XKR4: variants seen among roughly 807,000 people sequenced by gnomAD.
The protein encoded by XKR4 is XK related 4.
A neutral mutation model predicts 53.9 loss-of-function variants in XKR4; 12 were observed. The ratio of observed to expected loss-of-function variants is 0.22; its 90% CI spans 0.14 to 0.36. XKR4 has a LOEUF of 0.36. XKR4 is among the 10% of genes least tolerant of loss of function. The pLI is 1.00. For synonymous variants in XKR4, 354 were observed against 362.4 expected (o/e 0.98, Z 0.26); for missense variants, 799 against 859.5 (o/e 0.93, Z 0.88).
intron 1 of XKR4, among the ~76,000 whole-genome samples, chr8:55,334,125 A>C (rs1312487946): frequency 6.6e-6 from 1 of 152,198 alleles, no homozygotes; most frequent in African/African-American, 2.4e-5. Flanking sequence ...TAATTAAACA[A>C]ACCTAAGTTA....
chr8:55,480,879 C>T (rs1050948545), intron 2 of XKR4, among the ~76,000 whole-genome samples: 2 of 152,008 alleles, frequency 1.3e-5, no homozygotes, highest in Non-Finnish European at 2.9e-5. Flanking sequence ...CTACAAACCA[C>T]TGCTCTATGA....
In XKR4 at chr8:55,524,123, C is replaced by A. The variant is rs187211829; in HGVS notation, c.1849C>A (p.Arg617=). The A allele has an allele frequency of 3.7e-6, 6 of 1,614,174 alleles. No individual in the cohort carries two copies. The highest frequency in any genetic ancestry group is 1.7e-5 in the Admixed American group (1 of 60,014). ...GAGACATGTTTTGGACCGAAGCCTC[C>A]GAAAGGCTATTTTAGCTTTTGAATG... ...WERHVLDRSL[R]KAILAFECSP... is the part of the protein sequence containing the mutation. The change falls in exon 3 of 3, where the codon CGA becomes AGA. Residue 617 remains arginine (R), a synonymous_variant. Coordinates refer to ENST00000327381, the MANE Select transcript of XKR4 (RefSeq NM_052898.2).
chr8:55,501,086 C>T (rs75623969), intron 2 of XKR4, among the ~76,000 whole-genome samples: 2,897 of 152,206 alleles, frequency 0.019, 53 homozygotes, highest in Middle Eastern at 0.038. Flanking sequence ...TAGAGAATGC[C>T]GAGGCTTGTG....
intron 2 of XKR4, among the ~76,000 whole-genome samples, chr8:55,432,013 G>C (rs1805111519): frequency 6.6e-6 from 1 of 152,158 alleles, no homozygotes; most frequent in African/African-American, 2.4e-5. Context: ...CAAACCCATT[G>C]ATAGTTAATC....
chr8:55,145,901 C>T (rs1213315259), intron 1 of XKR4, among the ~76,000 whole-genome samples: 4 of 152,184 alleles, frequency 2.6e-5, no homozygotes, highest in African/African-American at 7.2e-5. Context: ...TGTTTGGAAA[C>T]AGATCTATCT....
chr8:55,170,461 C>CA, intron 1 of XKR4, among the ~76,000 whole-genome samples: 1 of 152,224 alleles, frequency 6.6e-6, no homozygotes, highest in East Asian at 1.9e-4. Flanking sequence ...AGGCAGCAGG[C>CA]AAGGACAAGA....
chr8:55,513,437 G>A (rs1486438702), intron 2 of XKR4, among the ~76,000 whole-genome samples: 2 of 152,188 alleles, frequency 1.3e-5, no homozygotes, highest in Admixed American at 6.5e-5. Context: ...AGGCTGGGTA[G>A]AAGAGCTGCC....
intron 2 of XKR4, among the ~76,000 whole-genome samples, chr8:55,484,469 C>T (rs1177228230): frequency 6.6e-6 from 1 of 152,128 alleles, no homozygotes; most frequent in East Asian, 1.9e-4. Context: ...GAGAATGATA[C>T]ACCATAACCA....
At chr8:55,347,213 C>T (rs1257926870) in intron 1 of XKR4, among the ~76,000 whole-genome samples, 3 of 152,186 alleles carry the variant, frequency 2.0e-5, no homozygotes, top group African/African-American at 7.2e-5. Context: ...TCAGTCTGAA[C>T]TTAGTGACAT....
intron 1 of XKR4, among the ~76,000 whole-genome samples, chr8:55,147,080 A>G (rs948382238): frequency 1.3e-5 from 2 of 152,266 alleles, no homozygotes; most frequent in Admixed American, 6.5e-5. Context: ...ACAGTATTCA[A>G]CATATTCATA....
At chr8:55,504,092 A>G (rs1344949010) in intron 2 of XKR4, among the ~76,000 whole-genome samples, 3 of 152,118 alleles carry the variant, frequency 2.0e-5, no homozygotes, top group Non-Finnish European at 4.4e-5. Flanking sequence ...TTAATATGCT[A>G]CTGAATGCAG....
intron 1 of XKR4, among the ~76,000 whole-genome samples, chr8:55,118,195 G>A (rs575075330): frequency 1.3e-5 from 2 of 152,284 alleles, no homozygotes; most frequent in African/African-American, 4.8e-5. Flanking sequence ...TATCTAAAAT[G>A]TGTCAAATTC....
At chr8:55,442,897 G>T (rs1805290687) in intron 2 of XKR4, among the ~76,000 whole-genome samples, 1 of 152,074 alleles carries the variant, frequency 6.6e-6, no homozygotes, top group Non-Finnish European at 1.5e-5. Flanking sequence ...CTGGAATTTG[G>T]ACAACACTGA....
At chr8:55,451,111 C>A (rs941193204) in intron 2 of XKR4, 2 of 519,784 alleles carry the variant, frequency 3.8e-6, no homozygotes, top group Non-Finnish European at 6.9e-6. Context: ...CCTTTGTCCC[C>A]GAGGATGTAG....
intron 2 of XKR4, among the ~76,000 whole-genome samples, chr8:55,427,546 G>T (rs1319323262): frequency 1.6e-4 from 24 of 152,014 alleles, no homozygotes; most frequent in African/African-American, 4.8e-4. Flanking sequence ...TTGGTTACTG[G>T]CACATATATA....
intron 1 of XKR4, among the ~76,000 whole-genome samples, chr8:55,136,085 G>C (rs990782814): frequency 1.3e-5 from 2 of 151,964 alleles, no homozygotes; most frequent in Non-Finnish European, 1.5e-5. Flanking sequence ...GTAGAAACAG[G>C]GTTTCACCAT....
intron 2 of XKR4, among the ~76,000 whole-genome samples, chr8:55,445,214 C>T (rs1805327064): frequency 6.6e-6 from 1 of 152,088 alleles, no homozygotes. Flanking sequence ...CCCACCACCA[C>T]ACCTGGCTAA....
rs1037538488 is a variant in XKR4, at chr8:55,450,877, C to G, written c.1007-72404C>G. ...GGAACTTGAGTCCAGGAGCTCCCCCCTCCCAGCACCGACACCTGCAGCAGC... is the reference window on the plus strand; with the variant it reads ...GGAACTTGAGTCCAGGAGCTCCCCCGTCCCAGCACCGACACCTGCAGCAGC... On this transcript the variant is annotated intron_variant, in intron 2 of 2. Coordinates refer to ENST00000327381, the MANE Select transcript of XKR4 (RefSeq NM_052898.2). The G allele has an allele frequency of 1.0e-4, 48 of 470,968 alleles. 1 individual carries two copies. Among genetic ancestry groups the G allele is most frequent in the South Asian group, 3.2e-4 (16 of 50,632 alleles). The allele number at this position is 470,968 out of a possible 1,614,324, so 29.2% of individuals were successfully genotyped here.
chr8:55,477,528 C>A (rs1806017325), intron 2 of XKR4, among the ~76,000 whole-genome samples: 1 of 152,156 alleles, frequency 6.6e-6, no homozygotes, highest in Non-Finnish European at 1.5e-5. Flanking sequence ...TGCAGCTCCT[C>A]ACTAGCAATG....
Sources: gnomAD v4.1 joint callset for allele counts (sites outside exome capture counted in the v4.1 genomes callset) on GRCh38, gnomAD v4.1.1 for gene constraint, MANE v1.5 for transcripts, NCBI Gene and HGNC (gene_info 2026-07-23, HGNC 2026-07-21) for gene names.